The following TM9SF4 variants were observed in gnomAD, a reference collection of about 807,000 sequenced individuals.
TM9SF4 encodes transmembrane 9 superfamily member 4, also known as dinucleotide oxidase disulfide thiol exchanger 3 superfamily member 4.
A neutral mutation model predicts 90.4 loss-of-function variants in TM9SF4; 26 were observed. That is an observed-to-expected ratio of 0.29 (90% CI 0.21 to 0.40). The LOEUF is 0.40. Ranked by LOEUF, TM9SF4 falls within the 10% of genes least tolerant of loss-of-function variation. The pLI, the probability that TM9SF4 is intolerant of heterozygous loss-of-function variation, is 1.00. For missense variants in TM9SF4, 549 were observed against 834.8 expected, an observed-to-expected ratio of 0.66 and a Z score of 4.22; for synonymous variants, 293 against 315.4, an observed-to-expected ratio of 0.93 and a Z score of 0.75.
chr20:32,110,018 C>T (rs992239371), intron 1 of TM9SF4: 1 of 1,398,640 alleles, frequency 7.1e-7, no homozygotes, highest in South Asian at 1.6e-5. Flanking sequence ...GGTTCCCATT[C>T]TACTTTTGGT....
chr20:32,130,409 T>C (rs1056059068), intron 1 of TM9SF4, among the ~76,000 whole-genome samples: 13 of 152,244 alleles, frequency 8.5e-5, no homozygotes, highest in Admixed American at 7.9e-4. Flanking sequence ...CTTTATATTT[T>C]GGTTAACTGG....
intron 12 of TM9SF4, among the ~76,000 whole-genome samples, chr20:32,153,286 G>C (rs753849773): frequency 2.0e-5 from 3 of 152,232 alleles, no homozygotes; most frequent in Admixed American, 6.5e-5. Context: ...CCAGAGACAG[G>C]AATGTGCAGG....
At chr20:32,112,309 C>T (rs1186901369) in intron 1 of TM9SF4, among the ~76,000 whole-genome samples, 4 of 152,202 alleles carry the variant, frequency 2.6e-5, no homozygotes, top group South Asian at 4.2e-4. Flanking sequence ...CAGCTACTTG[C>T]GGGGCTGAGG....
intron 1 of TM9SF4, among the ~76,000 whole-genome samples, chr20:32,128,145 A>C (rs2046450923): frequency 6.6e-6 from 1 of 152,196 alleles, no homozygotes. Context: ...AGGGGAGGGT[A>C]TAACTCCCTG....
At chr20:32,152,384 T>C (rs2046855902) in intron 12 of TM9SF4, among the ~76,000 whole-genome samples, 1 of 150,920 alleles carries the variant, frequency 6.6e-6, no homozygotes, top group Admixed American at 6.6e-5. Flanking sequence ...GAGCCCATCA[T>C]TGATCCAGGC....
intron 1 of TM9SF4, among the ~76,000 whole-genome samples, chr20:32,112,723 A>AC (rs1406813834): frequency 2.0e-5 from 3 of 151,324 alleles, no homozygotes; most frequent in South Asian, 4.2e-4. Flanking sequence ...AAAACAAAAC[A>AC]CACCACCACC....
chr20:32,146,899 G>C, intron 9 of TM9SF4, 44 bp downstream of exon 9: 1 of 1,573,356 alleles, frequency 6.4e-7, no homozygotes, highest in Non-Finnish European at 8.7e-7. Context: ...GATGGGGAGG[G>C]GAGGAGGACC....
chr20:32,129,328 A>T (rs2122362513), intron 1 of TM9SF4, among the ~76,000 whole-genome samples: 1 of 152,156 alleles, frequency 6.6e-6, no homozygotes, highest in East Asian at 1.9e-4. Flanking sequence ...CACTATATTT[A>T]CAAAAAATCA....
At chr20:32,164,305 T>C (rs1411807339) in intron 17 of TM9SF4, among the ~76,000 whole-genome samples, 1 of 152,010 alleles carries the variant, frequency 6.6e-6, no homozygotes. Context: ...ATAACTTAAG[T>C]CCAAGTGTCT....
intron 5 of TM9SF4, among the ~76,000 whole-genome samples, chr20:32,142,296 C>T (rs904304296): frequency 6.6e-6 from 1 of 152,090 alleles, no homozygotes; most frequent in African/African-American, 2.4e-5. Flanking sequence ...GCAGCAGTGG[C>T]GGGGTAAATT....
At chr20:32,116,035 T>C (rs1278747695) in intron 1 of TM9SF4, 1 of 152,064 alleles carries the variant, frequency 6.6e-6, no homozygotes, top group East Asian at 1.9e-4. Flanking sequence ...TTGGCCAGGC[T>C]GGTCTCGAAC....
At position 32,141,592 on chromosome 20, in the gene TM9SF4, A is replaced by G; in HGVS notation, c.325A>G (p.Lys109Glu). The G allele has an allele frequency of 6.2e-7, 1 of 1,614,166 alleles. No individual in the cohort carries two copies. Residue 109 changes from lysine to glutamate, a missense_variant, in exon 4 of 18, where the codon AAG (lysine) becomes GAG (glutamate). Lys to Glu is a moderately conservative substitution (Grantham distance 56). Coordinates refer to ENST00000398022, the MANE Select transcript of TM9SF4 (RefSeq NM_014742.4). Reference protein sequence around the residue: ...KCEVLCSQSNKPVTLTVEQSR... With the variant: ...KCEVLCSQSNEPVTLTVEQSR... ...TGAAGTTCTGTGCAGCCAGTCCAAC[A>G]AGCCAGTGACCCTGACAGTGGAGCA...
At chr20:32,150,574 TC>T in intron 10 of TM9SF4, 47 bp from the exon 11 acceptor site, 2 of 1,609,868 alleles carry the variant, frequency 1.2e-6, no homozygotes, top group Non-Finnish European at 1.7e-6. Context: ...GGCCTGGTGA[TC>T]AGCCACCCTG....
chr20:32,125,686 T>A (rs983813670), intron 1 of TM9SF4, among the ~76,000 whole-genome samples: 3 of 145,046 alleles, frequency 2.1e-5, no homozygotes, highest in Admixed American at 2.1e-4. Context: ...TTTTTCTTTT[T>A]TTTTTTTTTT....
Position 32,150,890 on chromosome 20 carries a change from C to CCTT in TM9SF4, c.1245+18_1245+20dup. 6.2e-7 allele frequency: 1 copy of CCTT among 1,613,886 alleles called. No homozygotes were observed. The highest frequency in any genetic ancestry group is 2.2e-5 in the East Asian group (1 of 44,856). ...GAGCCTTCTGTGTGAGTGTCCTAAACCTTCTCTTGTTTGGTGGGAAGCAGA... is the reference window on the plus strand; with the variant it reads ...GAGCCTTCTGTGTGAGTGTCCTAAACCTTCTTCTCTTGTTTGGTGGGAAGCAGA... On this transcript the variant is annotated intron_variant, in intron 12 of 17. Coordinates refer to ENST00000398022, the MANE Select transcript of TM9SF4 (RefSeq NM_014742.4).
At chr20:32,111,879 A>G (rs1457389361) in intron 1 of TM9SF4, among the ~76,000 whole-genome samples, 1 of 152,216 alleles carries the variant, frequency 6.6e-6, no homozygotes, top group East Asian at 1.9e-4. Context: ...GGAGAGAATG[A>G]TACAAGATGA....
intron 1 of TM9SF4, among the ~76,000 whole-genome samples, chr20:32,123,551 G>A (rs1181889659): frequency 3.3e-5 from 5 of 150,308 alleles, no homozygotes; most frequent in Admixed American, 3.3e-4. Flanking sequence ...AAGTGTCCTT[G>A]TATATTGAAG....
chr20:32,142,531 T>C (rs2046696900), intron 5 of TM9SF4, among the ~76,000 whole-genome samples: 1 of 152,218 alleles, frequency 6.6e-6, no homozygotes. Flanking sequence ...CAGTCCCAGC[T>C]GCCTTTCACT....
At chr20:32,120,395 GT>G (rs34639926) in intron 1 of TM9SF4, among the ~76,000 whole-genome samples, 178 of 116,188 alleles carry the variant, frequency 1.5e-3, no homozygotes, top group East Asian at 0.01. Flanking sequence ...TAAGTGGTGC[GT>G]TTTTTTTTTT....
Sources: gnomAD v4.1 joint callset for allele counts (sites outside exome capture counted in the v4.1 genomes callset) on GRCh38, gnomAD v4.1.1 for gene constraint, MANE v1.5 for transcripts, NCBI Gene and HGNC (gene_info 2026-07-23, HGNC 2026-07-21) for gene names.